Variants in CREB5 observed in about 807,000 individuals in gnomAD.
CREB5 encodes the protein cAMP responsive element binding protein 5, also known as cyclic AMP-responsive element-binding protein 5.
In CREB5, 19 loss-of-function variants were observed where a neutral mutation model predicts 57.1. The ratio of observed to expected loss-of-function variants is 0.33; its 90% CI spans 0.23 to 0.49. The LOEUF (loss-of-function observed/expected upper bound fraction) is 0.49. CREB5 is among the 20% of genes least tolerant of loss of function. The pLI is 0.99. For missense variants in CREB5, 579 were observed against 671.6 expected, an observed-to-expected ratio of 0.86 and a Z score of 1.52; for synonymous variants, 238 against 238.3, an observed-to-expected ratio of 1.00 and a Z score of 0.01.
intron 1 of CREB5, among the ~76,000 whole-genome samples, chr7:28,384,690 A>G (rs370596307): frequency 6.6e-6 from 1 of 152,074 alleles, no homozygotes; most frequent in Non-Finnish European, 1.5e-5. Context: ...AGTTTAAGAT[A>G]GTATAGTTAT....
intron 1 of CREB5, among the ~76,000 whole-genome samples, chr7:28,331,017 A>C (rs1465127854): frequency 6.6e-6 from 1 of 152,162 alleles, no homozygotes; most frequent in Non-Finnish European, 1.5e-5. Context: ...ACTATGAATC[A>C]GCTGTATCAG....
At chr7:28,356,217 T>C (rs1397693031) in intron 1 of CREB5, among the ~76,000 whole-genome samples, 1 of 152,172 alleles carries the variant, frequency 6.6e-6, no homozygotes, top group East Asian at 1.9e-4. Context: ...CATTTTCTAC[T>C]CTCCGACAAA....
At chr7:28,791,081 T>C (rs954150637) in intron 7 of CREB5, among the ~76,000 whole-genome samples, 1 of 152,214 alleles carries the variant, frequency 6.6e-6, no homozygotes, top group Admixed American at 6.5e-5. Context: ...TGCTGGCATA[T>C]GGTGAAAAGA....
intron 5 of CREB5, among the ~76,000 whole-genome samples, chr7:28,688,248 T>C (rs1473311010): frequency 6.6e-6 from 1 of 152,092 alleles, no homozygotes; most frequent in Non-Finnish European, 1.5e-5. Flanking sequence ...ATGAGATAAA[T>C]TACCTAGGTG....
At chr7:28,533,098 T>C (rs1393115201) in intron 4 of CREB5, among the ~76,000 whole-genome samples, 1 of 151,772 alleles carries the variant, frequency 6.6e-6, no homozygotes, top group African/African-American at 2.4e-5. Flanking sequence ...CTACTGAAAA[T>C]ACAAAAATTA....
At chr7:28,716,919 G>A (rs1420667628) in intron 5 of CREB5, among the ~76,000 whole-genome samples, 6 of 152,120 alleles carry the variant, frequency 3.9e-5, no homozygotes, top group African/African-American at 1.4e-4. Flanking sequence ...AAGAGTACAT[G>A]TCAAGAAATA....
At chr7:28,758,826 A>G (rs1162974411) in intron 7 of CREB5, among the ~76,000 whole-genome samples, 2 of 152,218 alleles carry the variant, frequency 1.3e-5, no homozygotes, top group Non-Finnish European at 2.9e-5. Flanking sequence ...GCTGGTTTAT[A>G]TATTTGTACT....
chr7:28,458,074 G>A (rs1322799166), intron 1 of CREB5, among the ~76,000 whole-genome samples: 1 of 152,186 alleles, frequency 6.6e-6, no homozygotes, highest in African/African-American at 2.4e-5. Context: ...GACTAGAACA[G>A]AGGCTCAGAA....
At chr7:28,727,382 G>A (rs1489837425) in intron 7 of CREB5, among the ~76,000 whole-genome samples, 2 of 152,122 alleles carry the variant, frequency 1.3e-5, no homozygotes, top group African/African-American at 4.8e-5. Context: ...TGTCTTAGAT[G>A]AAAGTGGGAT....
At chr7:28,560,979 TGCGTGC>T (rs1795226580) in intron 4 of CREB5, among the ~76,000 whole-genome samples, 2 of 59,816 alleles carry the variant, frequency 3.3e-5, no homozygotes, top group African/African-American at 5.4e-5. Flanking sequence ...TGTGCGTGTG[TGCGTGC>T]GTGTGTGTGC....
rs534956384 is a variant in CREB5, at chr7:28,570,289, T to A, written c.292-76T>A. 9.4e-5 allele frequency: 140 copies of A among 1,484,252 alleles called. 1 individual carries two copies. Among genetic ancestry groups the A allele is most frequent in the Admixed American group, 1.2e-4 (6 of 50,936 alleles). 91.9% of individuals were successfully genotyped at this position (1,484,252 alleles called of 1,614,324 possible). ...AGTTGACATGACTAGATTCCCAGTT[T>A]TGGCCTTTGAGAGCTTGAGAGTAGA... On this transcript the variant is annotated intron_variant, in intron 4 of 10. Transcript: ENST00000357727.
intron 1 of CREB5, among the ~76,000 whole-genome samples, chr7:28,438,040 G>T (rs570074221): frequency 6.6e-6 from 1 of 152,142 alleles, no homozygotes; most frequent in East Asian, 1.9e-4. Context: ...GGGATGCATC[G>T]TGATGCATCA....
chr7:28,702,947 C>T (rs149040552), intron 5 of CREB5, among the ~76,000 whole-genome samples: 8 of 151,482 alleles, frequency 5.3e-5, no homozygotes, highest in Admixed American at 2.6e-4. Flanking sequence ...AAGAGTGTGG[C>T]ACATTCTAGG....
intron 5 of CREB5, among the ~76,000 whole-genome samples, chr7:28,712,267 G>A (rs1802433064): frequency 6.6e-6 from 1 of 151,834 alleles, no homozygotes. Flanking sequence ...CAGCACTTTG[G>A]GAGGTCGAGG....
At chr7:28,581,783 G>A (rs150051456) in intron 5 of CREB5, among the ~76,000 whole-genome samples, 6 of 152,276 alleles carry the variant, frequency 3.9e-5, no homozygotes, top group African/African-American at 1.2e-4. Context: ...TTTAGACAGG[G>A]CAGGGAAGAC....
chr7:28,516,962 C>T (rs1197375246), intron 4 of CREB5, among the ~76,000 whole-genome samples: 1 of 152,196 alleles, frequency 6.6e-6, no homozygotes, highest in East Asian at 1.9e-4. Context: ...GAGGCCCTTG[C>T]ATCTGCAGAG....
intron 5 of CREB5, among the ~76,000 whole-genome samples, chr7:28,709,480 A>G (rs940230179): frequency 1.3e-5 from 2 of 152,186 alleles, no homozygotes; most frequent in Non-Finnish European, 2.9e-5. Flanking sequence ...TAATAGTCTT[A>G]ACAGAATGAT....
chr7:28,610,962 G>A (rs1797361545), intron 5 of CREB5, among the ~76,000 whole-genome samples: 1 of 151,998 alleles, frequency 6.6e-6, no homozygotes, highest in African/African-American at 2.4e-5. Context: ...AGAGGCATGG[G>A]CCAAGGTAGG....
intron 8 of CREB5, 144 bp from the exon 9 acceptor site, chr7:28,809,043 T>G: frequency 1.5e-6 from 1 of 673,182 alleles, no homozygotes; most frequent in Non-Finnish European, 2.6e-6. Flanking sequence ...CATCGTCTGT[T>G]TCATTCATAG....
Sources: allele counts gnomAD v4.1 joint callset (sites outside exome capture counted in the v4.1 genomes callset), GRCh38; gene constraint gnomAD v4.1.1; transcripts MANE v1.5; gene names NCBI Gene and HGNC (gene_info 2026-07-23, HGNC 2026-07-21).